MAP3K7: variants seen among roughly 807,000 people sequenced by gnomAD.
MAP3K7 encodes the protein TGF-beta activated kinase 1.
In MAP3K7, 21 loss-of-function variants were observed where a neutral mutation model predicts 84.8. That is an observed-to-expected ratio of 0.25 (90% CI 0.18 to 0.36). MAP3K7 has a LOEUF of 0.36. Ranked by LOEUF, MAP3K7 falls within the 10% of genes least tolerant of loss-of-function variation. MAP3K7 has a pLI of 1.00. For synonymous variants in MAP3K7, 241 were observed against 247.7 expected (o/e 0.97, Z 0.25); for missense variants, 503 against 747.7 (o/e 0.67, Z 3.82).
chr6:90,518,180 A>G (rs1190668780), intron 16 of MAP3K7, among the ~76,000 whole-genome samples: 3 of 151,776 alleles, frequency 2.0e-5, no homozygotes, highest in Non-Finnish European at 4.4e-5. Flanking sequence ...AGAAAACAAT[A>G]AATCTTTATA....
chr6:90,544,095 C>A (rs774110366), intron 12 of MAP3K7, among the ~76,000 whole-genome samples: 1 of 152,098 alleles, frequency 6.6e-6, no homozygotes, highest in African/African-American at 2.4e-5. Context: ...TCTCTTCTCT[C>A]AACTTCACAT....
At chr6:90,578,678 T>C (rs1375502839) in intron 1 of MAP3K7, among the ~76,000 whole-genome samples, 1 of 152,172 alleles carries the variant, frequency 6.6e-6, no homozygotes, top group Non-Finnish European at 1.5e-5. Flanking sequence ...TAAAGTTGTT[T>C]CCTGGTATAT....
At chr6:90,555,573 G>A (rs1776311477) in intron 6 of MAP3K7, among the ~76,000 whole-genome samples, 1 of 152,002 alleles carries the variant, frequency 6.6e-6, no homozygotes, top group Non-Finnish European at 1.5e-5. Flanking sequence ...TCTTTTTAAG[G>A]CATCCTCATT....
chr6:90,531,713 G>A (rs1775510924), intron 13 of MAP3K7, among the ~76,000 whole-genome samples: 1 of 152,154 alleles, frequency 6.6e-6, no homozygotes, highest in South Asian at 2.1e-4. Flanking sequence ...AGCACTTTGG[G>A]AGGCTGAGGC....
chr6:90,522,130 A>G (rs1172171914), intron 14 of MAP3K7, among the ~76,000 whole-genome samples: 2 of 152,188 alleles, frequency 1.3e-5, no homozygotes, highest in South Asian at 2.1e-4. Context: ...CATGTGCAAT[A>G]TATTTCAAGG....
At chr6:90,537,704 A>C (rs1256407323) in intron 12 of MAP3K7, among the ~76,000 whole-genome samples, 1 of 151,882 alleles carries the variant, frequency 6.6e-6, no homozygotes, top group African/African-American at 2.4e-5. Context: ...AAAACAACAA[A>C]ACTGTGCATT....
chr6:90,518,367 T>A, intron 16 of MAP3K7, 80 bp downstream of exon 16: 1 of 758,934 alleles, frequency 1.3e-6, no homozygotes, highest in Non-Finnish European at 2.1e-6. Context: ...TTCTAAAAAC[T>A]ACGTTTTCAT....
In MAP3K7 at chr6:90,542,619, G is replaced by A. The variant is rs540925784; in HGVS notation, c.1291+1933C>T. 8.0e-5 allele frequency: 26 copies of A among 324,854 alleles called. 1 individual carries two copies. In the South Asian group the frequency reaches 2.9e-3, roughly 37 times the overall value. The allele number at this position is 324,854 out of a possible 1,614,324, so 20.1% of individuals were successfully genotyped here. A position where few individuals can be genotyped will look rare whatever the true frequency, so the allele number is the denominator to read the frequency against. On this transcript the variant is annotated intron_variant, in intron 12 of 16. Transcript: ENST00000369329. ...TGTGACTTGGAGTCAGAAGATCTGGGTTGGGGTCCTGGCTATATGATTCTG... is the reference window on the plus strand; with the variant it reads ...TGTGACTTGGAGTCAGAAGATCTGGATTGGGGTCCTGGCTATATGATTCTG...
At position 90,514,964 on chromosome 6, in the gene MAP3K7, C is replaced by T. The variant is rs1339606713; in HGVS notation, c.*1537G>A. On this transcript the variant is annotated 3_prime_UTR_variant, in exon 17 of 17. Transcript: ENST00000369329. Reference sequence around the variant, plus strand: ...CTAAAAATAACAGTTTAGTATTCACCTGTATTGCTTGTATACACAAGGAAT... The same window carrying T: ...CTAAAAATAACAGTTTAGTATTCACTTGTATTGCTTGTATACACAAGGAAT... 1 of 151,860 alleles carries T rather than the reference C, an allele frequency of 6.6e-6. No individual in the cohort carries two copies. The highest frequency in any genetic ancestry group is 1.5e-5 in the Non-Finnish European group (1 of 67,900). 9.4% of individuals were successfully genotyped at this position (151,860 alleles called of 1,614,324 possible).
At chr6:90,562,156 G>GT (rs780152794) in intron 3 of MAP3K7, among the ~76,000 whole-genome samples, 2 of 152,222 alleles carry the variant, frequency 1.3e-5, no homozygotes, top group African/African-American at 2.4e-5. Flanking sequence ...AGCTACCAGC[G>GT]TAAGCGACGC....
Position 90,568,573 on chromosome 6 carries a change from T to C in MAP3K7, c.282A>G (p.Gly94=), listed in dbSNP as rs1380381049. ...ACAAACTTACTGGATTCAAGCAGGC[T>C]CCATAAAGCTTTACAATATTAGGAT... The part of the protein sequence containing the change: ...VNHPNIVKLY[G]ACLNPVCLVM... Residue 94 remains glycine (G), a synonymous_variant, in exon 3 of 17, where the codon GGA becomes GGG. Transcript: ENST00000369329. 3 of 1,606,494 alleles carry C rather than the reference T, an allele frequency of 1.9e-6. No individual in the cohort carries two copies. The highest frequency in any genetic ancestry group is 2.5e-6 in the Non-Finnish European group (3 of 1,177,996).
intron 13 of MAP3K7, 121 bp from the exon 14 acceptor site, chr6:90,523,904 C>T (rs1368943911): frequency 1.3e-5 from 8 of 608,232 alleles, no homozygotes; most frequent in Non-Finnish European, 2.4e-5. Context: ...TTGTAAACAA[C>T]AAAATAAATC....
At chr6:90,560,866 CAA>C (rs1370504252) in intron 4 of MAP3K7, among the ~76,000 whole-genome samples, 3 of 152,118 alleles carry the variant, frequency 2.0e-5, no homozygotes, top group African/African-American at 7.2e-5. Context: ...CACACTACTA[CAA>C]GAGAGAGGCA....
intron 15 of MAP3K7, 32 bp from the exon 16 acceptor site, chr6:90,518,594 T>C: frequency 1.8e-6 from 2 of 1,133,572 alleles, no homozygotes; most frequent in South Asian, 2.5e-5. Flanking sequence ...AAAACATAAT[T>C]AAATCAAATT....
intron 4 of MAP3K7, 129 bp from the exon 5 acceptor site, chr6:90,560,343 C>T (rs1776469180): frequency 1.2e-5 from 11 of 926,872 alleles, no homozygotes; most frequent in Middle Eastern, 2.3e-4. Flanking sequence ...ATCAGTCCTG[C>T]TTTTAATTTT....
At chr6:90,554,640 T>C (rs1479470315) in intron 6 of MAP3K7, among the ~76,000 whole-genome samples, 1 of 152,248 alleles carries the variant, frequency 6.6e-6, no homozygotes, top group Non-Finnish European at 1.5e-5. Flanking sequence ...CCTAACAGTC[T>C]GCATTTTGTT....
At chr6:90,522,857 T>C (rs1468548535) in intron 14 of MAP3K7, among the ~76,000 whole-genome samples, 1 of 152,196 alleles carries the variant, frequency 6.6e-6, no homozygotes, top group Non-Finnish European at 1.5e-5. Context: ...ATTAATAACA[T>C]AGTCGATCTT....
At chr6:90,559,374 G>A (rs574743128) in intron 5 of MAP3K7, among the ~76,000 whole-genome samples, 2 of 79,852 alleles carry the variant, frequency 2.5e-5, no homozygotes, top group South Asian at 4.2e-4. Context: ...ATGTGCTGGG[G>A]TGGGAGCTTG....
In MAP3K7 at chr6:90,556,208, A is replaced by G. The variant is rs545026393; in HGVS notation, c.607+292T>C. On this transcript the variant is annotated intron_variant, in intron 6 of 16. Coordinates refer to ENST00000369329, the MANE Select transcript of MAP3K7 (RefSeq NM_145331.3). ...GTCTGCAAATAACCATGAAAGCACCATGAGTATTAATTTTGGGGTTACAAA... is the reference window on the plus strand; with the variant it reads ...GTCTGCAAATAACCATGAAAGCACCGTGAGTATTAATTTTGGGGTTACAAA... Among the ~76,000 whole-genome samples, 4 of 152,374 alleles carry G rather than the reference A, an allele frequency of 2.6e-5. No homozygotes were observed. The South Asian group carries it at 8.3e-4, about 32-fold the overall frequency.
Sources: gnomAD v4.1 joint callset for allele counts (sites outside exome capture counted in the v4.1 genomes callset) on GRCh38, gnomAD v4.1.1 for gene constraint, MANE v1.5 for transcripts, NCBI Gene and HGNC (gene_info 2026-07-23, HGNC 2026-07-21) for gene names.